TCEA3: variants seen among roughly 807,000 people sequenced by gnomAD.
TCEA3 encodes transcription elongation factor A3.
Under a neutral mutation model 44.0 loss-of-function variants are expected in TCEA3, and 36 were observed. The ratio of observed to expected loss-of-function variants is 0.82; its 90% CI spans 0.63 to 1.08. The LOEUF is 1.08. Among genes scored for constraint, TCEA3 ranks in the 50% least tolerant of loss-of-function variants. The pLI, the probability that TCEA3 is intolerant of heterozygous loss-of-function variation, is 0.00. For synonymous variants in TCEA3, 162 were observed against 159.7 expected, an observed-to-expected ratio of 1.01 and a Z score of -0.11; for missense variants, 392 against 441.2, an observed-to-expected ratio of 0.89 and a Z score of 1.00.
intron 9 of TCEA3, among the ~76,000 whole-genome samples, chr1:23,385,455 C>T (rs539830671): frequency 1.6e-4 from 24 of 152,328 alleles, no homozygotes; most frequent in South Asian, 4.1e-4. Flanking sequence ...TCACTCCACA[C>T]GGAAAGGTGC....
chr1:23,384,125 AC>A, intron 10 of TCEA3: 1 of 1,363,584 alleles, frequency 7.3e-7, no homozygotes, highest in Non-Finnish European at 9.4e-7. Flanking sequence ...TGCTGCCCCC[AC>A]CCCAGCTTGG....
chr1:23,397,755 T>C (rs1639262212), intron 6 of TCEA3, 37 bp downstream of exon 6: 1 of 1,613,324 alleles, frequency 6.2e-7, no homozygotes, highest in Admixed American at 1.7e-5. Flanking sequence ...GAAAAGGGAC[T>C]CCTTCCCTCC....
At chr1:23,399,522 G>T (rs1363788944) in intron 5 of TCEA3, among the ~76,000 whole-genome samples, 7 of 151,956 alleles carry the variant, frequency 4.6e-5, no homozygotes, top group Non-Finnish European at 1.5e-5. Context: ...ATTTTAGGGG[G>T]TCACAAACAT....
At chr1:23,387,440 C>A in intron 8 of TCEA3, 21 bp from the exon 9 acceptor site, 1 of 1,575,552 alleles carries the variant, frequency 6.3e-7, no homozygotes, top group Non-Finnish European at 8.6e-7. Context: ...AAGAGTCTAC[C>A]CTTCAGGGCT....
At chr1:23,406,810 C>T (rs942710109) in intron 5 of TCEA3, among the ~76,000 whole-genome samples, 9 of 152,198 alleles carry the variant, frequency 5.9e-5, no homozygotes, top group Admixed American at 2.6e-4. Context: ...TTAGTGCAGA[C>T]GGGGTTTTGC....
At chr1:23,419,397 C>T (rs1639990356) in intron 1 of TCEA3, 3 of 343,452 alleles carry the variant, frequency 8.7e-6, no homozygotes, top group Admixed American at 9.5e-5. Flanking sequence ...TGTGCCTCTC[C>T]CCAGGAATGC....
At chr1:23,397,411 C>G (rs762356035) in intron 7 of TCEA3, 134 bp downstream of exon 7, 19 of 744,176 alleles carry the variant, frequency 2.6e-5, no homozygotes, top group Non-Finnish European at 4.0e-5. Context: ...ATTAAGAACT[C>G]TGGTTCAGGG....
chr1:23,417,993 A>G lies in TCEA3; in HGVS notation c.149T>C (p.Val50Ala), dbSNP rs1639944138. The change falls in exon 3 of 11, where the codon GTT becomes GCT. Residue 50 changes from valine to alanine, a missense_variant. By Grantham distance (64) the Val-to-Ala change is moderately conservative. Coordinates refer to ENST00000450454, the MANE Select transcript of TCEA3 (RefSeq NM_003196.3). ...IQLLQTTRIG[V>A]AVNGVRKHCS... ...GTGCTTGCGGACCCCATTAACAGCA[A>G]CTCCAATCCTGGTTGTCTGCAAAGT... 6.2e-7 allele frequency: 1 copy of G among 1,613,944 alleles called. No homozygotes were observed. The highest frequency in any genetic ancestry group is 2.2e-5 in the East Asian group (1 of 44,888).
intron 10 of TCEA3, among the ~76,000 whole-genome samples, chr1:23,383,185 CAGG>C (rs1638719852): frequency 6.7e-6 from 1 of 149,844 alleles, no homozygotes; most frequent in African/African-American, 2.5e-5. Context: ...GAGGCTGAGG[CAGG>C]AGAATGGTGT....
At chr1:23,404,143 T>C (rs1368524925) in intron 5 of TCEA3, 2 of 702,224 alleles carry the variant, frequency 2.8e-6, no homozygotes, top group Non-Finnish European at 5.2e-6. Context: ...TTTCAGTTAC[T>C]GCATCAGCGA....
intron 10 of TCEA3, among the ~76,000 whole-genome samples, chr1:23,381,707 T>C (rs923737532): frequency 6.6e-6 from 1 of 152,200 alleles, no homozygotes; most frequent in African/African-American, 2.4e-5. Flanking sequence ...GGCAATTCGG[T>C]GCCAGGAATG....
At chr1:23,386,779 G>C (rs1385570449) in intron 9 of TCEA3, among the ~76,000 whole-genome samples, 2 of 151,958 alleles carry the variant, frequency 1.3e-5, no homozygotes, top group Non-Finnish European at 2.9e-5. Context: ...GGAGTGCAGT[G>C]GCATGATCTC....
chr1:23,384,417 C>T lies in TCEA3; in HGVS notation c.967G>A (p.Val323Met), dbSNP rs1447313102. The T allele has an allele frequency of 1.1e-5, 18 of 1,612,324 alleles. No individual in the cohort carries two copies. The highest frequency in any genetic ancestry group is 1.0e-4 in the Admixed American group (6 of 59,892). Residue 323 changes from valine (V) to methionine (M), a missense_variant and splice_region_variant, in exon 10 of 11, where the codon GTG becomes ATG. Val to Met is a conservative substitution (Grantham distance 21). Transcript: ENST00000450454. ...CKKKNCTYNQ[V>M]QTRSADEPMT... ...GGCTCATCAGCACTGCGTGTCTGCA[C>T]CTGAGAGAGAGAAGAACCACTCATG...
rs749269236 is a variant in TCEA3 at position 23,397,893 on chromosome 1, G to T, written c.506C>A (p.Thr169Lys). The T allele has an allele frequency of 7.4e-6, 12 of 1,613,892 alleles. No individual in the cohort carries two copies. Among genetic ancestry groups the T allele is most frequent in the African/African-American group, 1.3e-5 (1 of 75,048 alleles). The change falls in exon 6 of 11, where the codon ACG (threonine) becomes AAG (lysine). Residue 169 changes from threonine to lysine, a missense_variant. By Grantham distance (78) the Thr-to-Lys change is moderately conservative. Coordinates refer to ENST00000450454, the MANE Select transcript of TCEA3 (RefSeq NM_003196.3). Reference protein sequence around the residue: ...PKTPSSPLTPTFASSMCLLAP... With the variant: ...PKTPSSPLTPKFASSMCLLAP... The stretch of plus-strand genomic sequence containing the variant: ...CAGGAGACACATGGAAGAGGCAAAC[G>T]TGGGGGTCAAGGGGCTGCTAGGTGT...
At chr1:23,404,230 C>T (rs1570264825) in intron 5 of TCEA3, 2 of 701,166 alleles carry the variant, frequency 2.9e-6, no homozygotes. Flanking sequence ...TCTCCCCTGT[C>T]AACATGGTAT....
intron 9 of TCEA3, among the ~76,000 whole-genome samples, 155 bp downstream of exon 9, chr1:23,387,118 G>T (rs1447772811): frequency 6.6e-6 from 1 of 152,170 alleles, no homozygotes; most frequent in African/African-American, 2.4e-5. Flanking sequence ...CTCCCAAAGT[G>T]CTGTGATTAC....
At chr1:23,383,906 A>G in intron 10 of TCEA3, 1 of 1,004,690 alleles carries the variant, frequency 1.0e-6, no homozygotes, top group Non-Finnish European at 1.2e-6. Flanking sequence ...GGTGGCATTT[A>G]GGTTCAACTC....
intron 10 of TCEA3, among the ~76,000 whole-genome samples, chr1:23,382,303 G>C (rs1056769639): frequency 1.3e-5 from 2 of 152,136 alleles, no homozygotes; most frequent in African/African-American, 4.8e-5. Flanking sequence ...GCCTCCCAAA[G>C]TGCTGGAATT....
intron 5 of TCEA3, among the ~76,000 whole-genome samples, chr1:23,401,701 C>A (rs898035071): frequency 1.3e-5 from 2 of 152,144 alleles, no homozygotes; most frequent in African/African-American, 4.8e-5. Flanking sequence ...GCCAGAGGGA[C>A]TTTTCAAAAA....
Sources: gnomAD v4.1 joint callset for allele counts (sites outside exome capture counted in the v4.1 genomes callset) on GRCh38, gnomAD v4.1.1 for gene constraint, MANE v1.5 for transcripts, NCBI Gene and HGNC (gene_info 2026-07-23, HGNC 2026-07-21) for gene names.